Variants in MICALL2 observed in about 807,000 individuals in gnomAD.
MICALL2 encodes MICAL like 2, also known as MICAL-like protein 2.
In MICALL2, 111 loss-of-function variants were observed where a neutral mutation model predicts 91.1. That is an observed-to-expected ratio of 1.22 (90% CI 1.04 to 1.43). The LOEUF is 1.43. Ranked by LOEUF, MICALL2 falls within the 40% of genes most tolerant of loss-of-function variation. The pLI, the probability that MICALL2 is intolerant of heterozygous loss-of-function variation, is 0.00. For missense variants in MICALL2, 1,556 were observed against 1,236.0 expected (o/e 1.26, Z -3.88); for synonymous variants, 694 against 525.3 (o/e 1.32, Z -4.39).
chr7:1,439,221 C>T (rs113219677), intron 9 of MICALL2: 2 of 532,564 alleles, frequency 3.8e-6, no homozygotes, highest in Middle Eastern at 4.9e-4. Context: ...TGCTCAAGGT[C>T]ACACAGGAAG....
In MICALL2 at chr7:1,452,574, G is replaced by C. The variant is rs1469366808; in HGVS notation, c.144-2286C>G. Among the ~76,000 whole-genome samples the C allele has an allele frequency of 2.0e-5, 3 of 152,180 alleles. No individual in the cohort carries two copies. The highest frequency in any genetic ancestry group is 4.4e-5 in the Non-Finnish European group (3 of 68,018). On this transcript the variant is annotated intron_variant, in intron 1 of 16. Coordinates refer to ENST00000297508, the MANE Select transcript of MICALL2 (RefSeq NM_182924.4). This position sits in a 1 kb window ranked among gnomAD's most constrained non-coding sequence, Gnocchi z 6.2. ...GTCTGTTTTTTCTCTAAACAAGCAG[G>C]AGGAGGAGGCTGTCTGCCTCCCGCA...
chr7:1,446,950 C>A, intron 4 of MICALL2, 122 bp from the exon 5 acceptor site: 1 of 702,436 alleles, frequency 1.4e-6, no homozygotes, highest in Admixed American at 2.8e-5. Context: ...AGAGGAGCCG[C>A]CAGCAGGGCT....
At chr7:1,454,801 G>C (rs1780955798) in intron 1 of MICALL2, among the ~76,000 whole-genome samples, 1 of 152,120 alleles carries the variant, frequency 6.6e-6, no homozygotes, top group African/African-American at 2.4e-5. Context: ...TCTCTCCCCT[G>C]GCCCCCAACA....
Position 1,452,375 on chromosome 7 carries a change from T to C in MICALL2, c.144-2087A>G, listed in dbSNP as rs1780866563. Among the ~76,000 whole-genome samples the C allele has an allele frequency of 6.6e-6, 1 of 151,810 alleles. No individual in the cohort carries two copies. Among genetic ancestry groups the C allele is most frequent in the African/African-American group, 2.4e-5 (1 of 41,268 alleles). Reference sequence around the variant, plus strand: ...TCTATGCCCAGGGACTCTGCAGCCATGCTGGGCGTCAGCCTCAGCCCCCAG... The same window carrying C: ...TCTATGCCCAGGGACTCTGCAGCCACGCTGGGCGTCAGCCTCAGCCCCCAG... On this transcript the variant is annotated intron_variant, in intron 1 of 16. Transcript: ENST00000297508. This position sits in a 1 kb window ranked among gnomAD's most constrained non-coding sequence, Gnocchi z 6.2.
chr7:1,437,563 GCCCT>G lies in MICALL2; in HGVS notation c.2444_2447del (p.Glu815AlafsTer13). ...GCTTGGCCATGAGCCGGCGCAGCTCGCCCTCGATGTCCAGCTGCTGCTCCTCCAG... is the reference window on the plus strand; with the variant it reads ...GCTTGGCCATGAGCCGGCGCAGCTCGCGATGTCCAGCTGCTGCTCCTCCAG... On this transcript the variant is annotated frameshift_variant, in exon 14 of 17. Coordinates refer to ENST00000297508, the MANE Select transcript of MICALL2 (RefSeq NM_182924.4). LOFTEE classifies it high-confidence loss of function. 1 of 1,533,226 alleles carries G rather than the reference GCCCT, an allele frequency of 6.5e-7. No individual in the cohort carries two copies. The highest frequency in any genetic ancestry group is 8.7e-7 in the Non-Finnish European group (1 of 1,145,042). 95.0% of individuals were successfully genotyped at this position (1,533,226 alleles called of 1,614,324 possible). A position where few individuals can be genotyped will look rare whatever the true frequency, so the allele number is the denominator to read the frequency against.
chr7:1,446,756 G>T lies in MICALL2; in HGVS notation c.598C>A (p.Arg200=), dbSNP rs754888887. 6.8e-6 allele frequency: 11 copies of T among 1,607,698 alleles called. No individual in the cohort carries two copies. The Admixed American group carries it at 1.7e-4, about 25-fold the overall frequency. Residue 200 remains arginine (R), a synonymous_variant, in exon 5 of 17, where the codon CGG becomes AGG. Transcript: ENST00000297508. ...TAAAGCCTCCCGTCGGCCAGGTGCC[G>T]CTGTACCAGGTGCACGTGCTTGCCG... The part of the protein sequence containing the change: ...VCGKHVHLVQ[R]HLADGRLYHR...
intron 6 of MICALL2, among the ~76,000 whole-genome samples, chr7:1,443,757 G>A (rs1780423833): frequency 6.6e-6 from 1 of 152,210 alleles, no homozygotes; most frequent in Non-Finnish European, 1.5e-5. Flanking sequence ...CACCCCTAGT[G>A]CCCTGCAAGG....
intron 1 of MICALL2, among the ~76,000 whole-genome samples, chr7:1,455,631 C>A (rs767268061): frequency 5.9e-5 from 9 of 151,870 alleles, no homozygotes; most frequent in Admixed American, 2.0e-4. Context: ...GGATCCCCGC[C>A]CCCTCCACCC....
In MICALL2 at chr7:1,452,526, C is replaced by T. The variant is rs1298056766; in HGVS notation, c.144-2238G>A. Among the ~76,000 whole-genome samples, 4 of 152,206 alleles carry T rather than the reference C, an allele frequency of 2.6e-5. No homozygotes were observed. Among genetic ancestry groups the T allele is most frequent in the African/African-American group, 9.7e-5 (4 of 41,446 alleles). ...CATGTCCCCGGAAAGAATGCCCGGA[C>T]GGCCGGGAGGGCAGTGTCACAAGTC... On this transcript the variant is annotated intron_variant, in intron 1 of 16. Coordinates refer to ENST00000297508, the MANE Select transcript of MICALL2 (RefSeq NM_182924.4). This position sits in a 1 kb window ranked among gnomAD's most constrained non-coding sequence, Gnocchi z 6.2.
At position 1,446,772 on chromosome 7, in the gene MICALL2, G is replaced by T; in HGVS notation, c.582C>A (p.His194Gln). 1.9e-6 allele frequency: 3 copies of T among 1,608,462 alleles called. No individual in the cohort carries two copies. Among genetic ancestry groups the T allele is most frequent in the Non-Finnish European group, 2.5e-6 (3 of 1,178,158 alleles). ...CCAGGTGCCGCTGTACCAGGTGCAC[G>T]TGCTTGCCGCAGACCCCGCAGGTGC... Reference protein sequence around the residue: ...VSSTCGVCGKHVHLVQRHLAD... With the variant: ...VSSTCGVCGKQVHLVQRHLAD... The change falls in exon 5 of 17, where the codon CAC becomes CAA. Residue 194 changes from histidine to glutamine, a missense_variant. Coordinates refer to ENST00000297508, the MANE Select transcript of MICALL2 (RefSeq NM_182924.4).
At chr7:1,446,952 A>G (rs1005479389) in intron 4 of MICALL2, 124 bp from the exon 5 acceptor site, 18 of 696,808 alleles carry the variant, frequency 2.6e-5, no homozygotes, top group African/African-American at 3.6e-5. Context: ...AGGAGCCGCC[A>G]GCAGGGCTGC....
chr7:1,447,760 C>A lies in MICALL2; in HGVS notation c.340G>T (p.Gly114Cys). 1 of 1,534,440 alleles carries A rather than the reference C, an allele frequency of 6.5e-7. No homozygotes were observed. Among genetic ancestry groups the A allele is most frequent in the Admixed American group, 2.0e-5 (1 of 50,528 alleles). ...NYFHGRSPIG[G>C]MAGVKRASED... Reference sequence around the variant, plus strand: ...GAGGCCCTCTTCACGCCTGCCATGCCCCCAACTGGAGGAATCAAGCAGGGA... The same window carrying A: ...GAGGCCCTCTTCACGCCTGCCATGCACCCAACTGGAGGAATCAAGCAGGGA... Residue 114 changes from glycine to cysteine, a missense_variant, in exon 4 of 17, where the codon GGC (glycine) becomes TGC (cysteine). Coordinates refer to ENST00000297508, the MANE Select transcript of MICALL2 (RefSeq NM_182924.4).
chr7:1,440,430 G>A lies in MICALL2; in HGVS notation c.1805+161C>T, dbSNP rs1013427371. On this transcript the variant is annotated intron_variant, in intron 8 of 16. Transcript: ENST00000297508. Reference sequence around the variant, plus strand: ...ACGCTGCCCCCAAACCAGGGACAGCGGCCCCCATGTCCCTCAGGCAGGGGT... The same window carrying A: ...ACGCTGCCCCCAAACCAGGGACAGCAGCCCCCATGTCCCTCAGGCAGGGGT... The A allele has an allele frequency of 6.5e-5, 45 of 690,984 alleles. 1 individual carries two copies. The highest frequency in any genetic ancestry group is 1.4e-4 in the South Asian group (8 of 58,364). 42.8% of individuals were successfully genotyped at this position (690,984 alleles called of 1,614,324 possible).
intron 6 of MICALL2, 135 bp downstream of exon 6, chr7:1,444,517 C>T (rs1464335578): frequency 2.1e-5 from 18 of 875,670 alleles, no homozygotes; most frequent in Non-Finnish European, 1.9e-5. Context: ...GAGAAGGAAA[C>T]AGGCTGGGGG....
rs765954974 is a variant in MICALL2, at chr7:1,438,980, G to A, written c.1982C>T (p.Pro661Leu). 5 of 1,595,384 alleles carry A rather than the reference G, an allele frequency of 3.1e-6. 1 individual carries two copies. The South Asian group carries it at 5.5e-5, about 18-fold the overall frequency. The change falls in exon 10 of 17, where the codon CCA (proline) becomes CTA (leucine). Residue 661 changes from proline to leucine, a missense_variant. Transcript: ENST00000297508. ...GACGGCCAGTCTCCTGCGGCGGGGT[G>A]GGGAGGGGGACCTGGCTGCCCCCAG... Reference protein sequence around the residue: ...GPSLPARSPSPPRRRRLAVPA... With the variant: ...GPSLPARSPSLPRRRRLAVPA...
Position 1,457,238 on chromosome 7 carries a change from G to A in MICALL2, c.143+1946C>T, listed in dbSNP as rs570390403. Among the ~76,000 whole-genome samples the A allele has an allele frequency of 5.3e-5, 8 of 152,294 alleles. No homozygotes were observed. The South Asian group carries it at 1.7e-3, about 32-fold the overall frequency. On this transcript the variant is annotated intron_variant, in intron 1 of 16. Transcript: ENST00000297508. Reference sequence around the variant, plus strand: ...CCCTTATCTGCAGAACTCCAACCATGTGCTGGTATCTACCGAGCCCAGTTC... The same window carrying A: ...CCCTTATCTGCAGAACTCCAACCATATGCTGGTATCTACCGAGCCCAGTTC...
chr7:1,439,599 A>G (rs1182867966), intron 9 of MICALL2: 2 of 270,986 alleles, frequency 7.4e-6, no homozygotes, highest in African/African-American at 2.9e-5. Flanking sequence ...ATGAATACAC[A>G]TGCATCACAC....
In MICALL2 at chr7:1,448,663, G is replaced by C; in HGVS notation, c.291C>G (p.Thr97=). The C allele has an allele frequency of 6.2e-7, 1 of 1,612,778 alleles. No individual in the cohort carries two copies. Among genetic ancestry groups the C allele is most frequent in the Non-Finnish European group, 8.5e-7 (1 of 1,179,924 alleles). Reference sequence around the variant, plus strand: ...AGTAGTTGTAATACTGGGACACGTAGGTCAAGATGCTCAGCCGGTCAGGCA... The same window carrying C: ...AGTAGTTGTAATACTGGGACACGTACGTCAAGATGCTCAGCCGGTCAGGCA... The part of the protein sequence containing the change: ...LKVPDRLSIL[T]YVSQYYNYFH... The change falls in exon 3 of 17, where the codon ACC becomes ACG. Residue 97 remains threonine, a synonymous_variant. Transcript: ENST00000297508.
chr7:1,438,604 C>G, intron 10 of MICALL2: 4 of 1,421,092 alleles, frequency 2.8e-6, no homozygotes, highest in Non-Finnish European at 3.7e-6. Context: ...GTCCCTCAAG[C>G]TGCCAGAAGC....
Sources: allele counts gnomAD v4.1 joint callset (sites outside exome capture counted in the v4.1 genomes callset), GRCh38; gene constraint gnomAD v4.1.1; non-coding constraint Gnocchi (gnomAD v3.1); transcripts MANE v1.5; gene names NCBI Gene and HGNC (gene_info 2026-07-23, HGNC 2026-07-21).